LMBR1: variants seen among roughly 807,000 people sequenced by gnomAD.
The protein encoded by LMBR1 is limb development membrane protein 1.
A neutral mutation model predicts 73.9 loss-of-function variants in LMBR1; 52 were observed. That is an observed-to-expected ratio of 0.70 (90% CI 0.56 to 0.89). The LOEUF (loss-of-function observed/expected upper bound fraction) is 0.89. LMBR1 is among the 40% of genes least tolerant of loss of function. The pLI, the probability that LMBR1 is intolerant of heterozygous loss-of-function variation, is 0.00. For missense variants in LMBR1, 539 were observed against 579.8 expected (o/e 0.93, Z 0.72); for synonymous variants, 215 against 209.4 (o/e 1.03, Z -0.23).
intron 5 of LMBR1, among the ~76,000 whole-genome samples, chr7:156,780,022 G>C (rs1826843202): frequency 6.6e-6 from 1 of 152,126 alleles, no homozygotes; most frequent in Non-Finnish European, 1.5e-5. Context: ...CTACAAATAA[G>C]CATCTCTAGA....
chr7:156,696,144 G>T (rs376066609), intron 15 of LMBR1, among the ~76,000 whole-genome samples: 1 of 152,090 alleles, frequency 6.6e-6, no homozygotes, highest in African/African-American at 2.4e-5. Context: ...TTGTGATCCC[G>T]GGTTAGAGAA....
At position 156,669,151 on chromosome 7, in the gene LMBR1, T is replaced by G. The variant is rs1801878473; in HGVS notation, n.1003A>C. 6.6e-6 allele frequency: 1 copy of G among 152,162 alleles called. No individual in the cohort carries two copies. Among genetic ancestry groups the G allele is most frequent in the Non-Finnish European group, 1.5e-5 (1 of 68,052 alleles). 9.4% of individuals were successfully genotyped at this position (152,162 alleles called of 1,614,324 possible). On this transcript the variant is annotated non_coding_transcript_exon_variant, in exon 5 of 5. Transcript: ENST00000430825. The surrounding 1 kb of genome is among the most constrained non-coding windows in gnomAD (Gnocchi z 4.2). ...CTTTGTGAGCCTTCATTGTAAAGGG[T>G]GTGCTGACCAGCCCCTCTGGGCAGA...
intron 9 of LMBR1, among the ~76,000 whole-genome samples, chr7:156,735,315 T>C (rs1477293676): frequency 6.6e-6 from 1 of 152,200 alleles, no homozygotes; most frequent in East Asian, 1.9e-4. Flanking sequence ...ATTCTACCAA[T>C]GTGATGGGTG....
intron 1 of LMBR1, among the ~76,000 whole-genome samples, chr7:156,855,884 A>G (rs778587391): frequency 2.0e-4 from 30 of 152,192 alleles, no homozygotes; most frequent in Non-Finnish European, 4.0e-4. Flanking sequence ...GAAAAAACGA[A>G]AAATGAAAAC....
Position 156,756,408 on chromosome 7 carries a change from G to A in LMBR1, c.742C>T (p.Gln248Ter). The change falls in exon 9 of 17, where the codon CAG becomes TAG. Residue 248 changes from glutamine to a stop codon, truncating the protein, a stop_gained. Transcript: ENST00000353442. LOFTEE classifies it high-confidence loss of function. The stretch of plus-strand genomic sequence containing the variant: ...ATAAACATACCATTTAGTCGTCTCT[G>A]GAGTGCTTCTTCCTCTAAGGTAATG... Reference protein sequence around the residue: ...YIITLEEEALQRRLNGLSSSV... With the variant: ...YIITLEEEAL The A allele has an allele frequency of 6.8e-7, 1 of 1,480,632 alleles. No individual in the cohort carries two copies. Among genetic ancestry groups the A allele is most frequent in the East Asian group, 2.3e-5 (1 of 43,864 alleles). The allele number at this position is 1,480,632 out of a possible 1,614,324, so 91.7% of individuals were successfully genotyped here. A position where few individuals can be genotyped will look rare whatever the true frequency, so the allele number is the denominator to read the frequency against.
intron 5 of LMBR1, among the ~76,000 whole-genome samples, chr7:156,794,191 G>A (rs924432675): frequency 1.3e-5 from 2 of 152,164 alleles, no homozygotes; most frequent in African/African-American, 4.8e-5. Flanking sequence ...CCCATTTGAG[G>A]TCAAGAAACA....
intron 15 of LMBR1, among the ~76,000 whole-genome samples, chr7:156,703,493 C>G (rs1236772979): frequency 6.6e-6 from 1 of 152,182 alleles, no homozygotes. Context: ...GACTAGATAC[C>G]TGGGTTCGCT....
intron 1 of LMBR1, among the ~76,000 whole-genome samples, chr7:156,873,812 CAG>C (rs1282021589): frequency 1.3e-5 from 2 of 152,012 alleles, no homozygotes; most frequent in African/African-American, 2.4e-5. Context: ...CAGCTAGATA[CAG>C]AGTGTCGATT....
At chr7:156,868,517 T>C (rs910466844) in intron 1 of LMBR1, among the ~76,000 whole-genome samples, 2 of 151,710 alleles carry the variant, frequency 1.3e-5, no homozygotes, top group Admixed American at 6.6e-5. Flanking sequence ...CTCCTAAAAA[T>C]ACGAAAATTA....
chr7:156,769,964 A>T (rs1178088319), intron 5 of LMBR1, among the ~76,000 whole-genome samples: 2 of 152,172 alleles, frequency 1.3e-5, no homozygotes, highest in Non-Finnish European at 2.9e-5. Flanking sequence ...AAAACGCAGG[A>T]ATGCTTACGG....
At position 156,757,774 on chromosome 7, in the gene LMBR1, A is replaced by G. The variant is rs1822177572; in HGVS notation, c.685-1309T>C. On this transcript the variant is annotated intron_variant, in intron 8 of 16. Coordinates refer to ENST00000353442, the MANE Select transcript of LMBR1 (RefSeq NM_022458.4). ...TTTCAAATCATGCAATCCCTGTCAG[A>G]TGTCCAATTTATACAGCTGATGTGA... is the stretch of plus-strand genomic sequence containing the variant. 2.0e-5 allele frequency among the ~76,000 whole-genome samples: 3 copies of G among 152,208 alleles called. No individual in the cohort carries two copies. The South Asian group carries it at 6.2e-4, about 31-fold the overall frequency.
chr7:156,741,936 A>T (rs952331628), intron 9 of LMBR1, among the ~76,000 whole-genome samples: 2 of 152,162 alleles, frequency 1.3e-5, no homozygotes, highest in African/African-American at 4.8e-5. Flanking sequence ...AAATTGAAAT[A>T]ATGTCAAGTA....
intron 8 of LMBR1, among the ~76,000 whole-genome samples, chr7:156,756,680 T>C (rs1037489591): frequency 3.9e-5 from 6 of 152,222 alleles, no homozygotes; most frequent in African/African-American, 1.2e-4. Context: ...AAACCCTATA[T>C]ACATTTAAAT....
At chr7:156,709,612 A>G (rs991105420) in intron 15 of LMBR1, among the ~76,000 whole-genome samples, 9 of 152,076 alleles carry the variant, frequency 5.9e-5, no homozygotes, top group African/African-American at 1.9e-4. Flanking sequence ...AACAATAACA[A>G]TCACTGCAGG....
downstream of LMBR1, among the ~76,000 whole-genome samples, chr7:156,674,782 AT>A (rs1214102110): frequency 6.6e-6 from 1 of 152,218 alleles, no homozygotes; most frequent in Non-Finnish European, 1.5e-5. Flanking sequence ...ATTAAAATTA[AT>A]TTCACCTTTT....
At chr7:156,875,025 G>T (rs970199074) in intron 1 of LMBR1, among the ~76,000 whole-genome samples, 4 of 152,076 alleles carry the variant, frequency 2.6e-5, no homozygotes, top group Non-Finnish European at 5.9e-5. Flanking sequence ...GAAAGGTGAA[G>T]TCCAATTTAA....
At chr7:156,806,734 C>A (rs1832192493) in intron 4 of LMBR1, among the ~76,000 whole-genome samples, 1 of 151,528 alleles carries the variant, frequency 6.6e-6, no homozygotes, top group African/African-American at 2.4e-5. Context: ...GTCTCAGCCT[C>A]CCGAATAGCT....
chr7:156,728,386 TAATTTTC>T (rs2132424324), intron 11 of LMBR1, among the ~76,000 whole-genome samples: 1 of 152,370 alleles, frequency 6.6e-6, no homozygotes, highest in East Asian at 1.9e-4. Flanking sequence ...CTTGTTTTCT[TAATTTTC>T]AATGAAAACA....
rs775072594 is a variant in LMBR1 at position 156,680,340 on chromosome 7, G to A, written c.*3738C>T. 6.0e-5 allele frequency: 9 copies of A among 150,636 alleles called. No individual in the cohort carries two copies. Among genetic ancestry groups the A allele is most frequent in the South Asian group, 2.1e-4 (1 of 4,792 alleles). 9.3% of individuals were successfully genotyped at this position (150,636 alleles called of 1,614,324 possible). A position where few individuals can be genotyped will look rare whatever the true frequency, so the allele number is the denominator to read the frequency against. On this transcript the variant is annotated 3_prime_UTR_variant, in exon 17 of 17. Transcript: ENST00000353442. ...TGCACACTTAGGAAAAACAAGTACT[G>A]TCTTGTTAAATTTTTGCTTATACGT...
Sources: allele counts gnomAD v4.1 joint callset (sites outside exome capture counted in the v4.1 genomes callset), GRCh38; gene constraint gnomAD v4.1.1; non-coding constraint Gnocchi (gnomAD v3.1); transcripts MANE v1.5; gene names NCBI Gene and HGNC (gene_info 2026-07-23, HGNC 2026-07-21).